Variants in TIAM1 observed in about 807,000 individuals in gnomAD.
TIAM1 encodes TIAM Rac1 associated GEF 1, also known as rho guanine nucleotide exchange factor TIAM1.
Under a neutral mutation model 163.5 loss-of-function variants are expected in TIAM1, and 65 were observed. That is an observed-to-expected ratio of 0.40 (90% CI 0.33 to 0.49). The LOEUF (loss-of-function observed/expected upper bound fraction) is 0.49, where lower values mean the gene tolerates loss of function less well. Among genes scored for constraint, TIAM1 ranks in the 20% least tolerant of loss-of-function variants. The pLI is 0.77. For synonymous variants in TIAM1, 833 were observed against 810.1 expected, an observed-to-expected ratio of 1.03 and a Z score of -0.48; for missense variants, 1,789 against 2,044.7, an observed-to-expected ratio of 0.87 and a Z score of 2.41.
chr21:31,223,481 G>A lies in TIAM1; in HGVS notation c.1920C>T (p.Leu640=), dbSNP rs139346945. 5.8e-4 allele frequency: 944 copies of A among 1,613,970 alleles called. 4 individuals are homozygous for A. In the African/African-American group the frequency reaches 0.011, roughly 19 times the overall value. The stretch of plus-strand genomic sequence containing the variant: ...CTTTCGTTGGTCGACTTGCAAAAGC[G>A]AGAAGCCTTTTGGGGTTTGGCAGCT... ...GGELPNPKRL[L]AFASRPTKVA... Residue 640 remains leucine, a synonymous_variant, in exon 8 of 28, where the codon CTC becomes CTT. Coordinates refer to ENST00000541036, the MANE Select transcript of TIAM1 (RefSeq NM_001353694.2).
chr21:31,399,435 T>C (rs1360423427), intron 2 of TIAM1, among the ~76,000 whole-genome samples: 1 of 152,202 alleles, frequency 6.6e-6, no homozygotes, highest in East Asian at 1.9e-4. Flanking sequence ...AATACATTAT[T>C]GCTTTAAATC....
chr21:31,175,374 G>A (rs2084711361), intron 15 of TIAM1, among the ~76,000 whole-genome samples: 1 of 152,204 alleles, frequency 6.6e-6, no homozygotes, highest in Non-Finnish European at 1.5e-5. Context: ...CAAAAATAAA[G>A]TGAACGTGAA....
At chr21:31,333,519 C>T (rs2075745924) in intron 2 of TIAM1, among the ~76,000 whole-genome samples, 1 of 152,138 alleles carries the variant, frequency 6.6e-6, no homozygotes, top group South Asian at 2.1e-4. Context: ...CTCACTGCAG[C>T]CTCAACCTTC....
At chr21:31,281,481 T>C (rs2073565365) in intron 2 of TIAM1, among the ~76,000 whole-genome samples, 1 of 152,234 alleles carries the variant, frequency 6.6e-6, no homozygotes, top group Admixed American at 6.5e-5. Flanking sequence ...TAACCAGTAG[T>C]TTAATGACAA....
rs373172155 is a variant in TIAM1, at chr21:31,414,104, T to C, written c.-369+49879A>G. Among the ~76,000 whole-genome samples the C allele has an allele frequency of 3.9e-4, 60 of 152,288 alleles. No homozygotes were observed. The East Asian group carries it at 0.011, about 27-fold the overall frequency. On this transcript the variant is annotated intron_variant, in intron 2 of 28. Coordinates refer to the TIAM1 transcript ENST00000286827. ...CCTCAGGCTCTCAGGAGCCCATGGA[T>C]TTTGCCACTCTGAAAGCACAAGAGA...
chr21:31,162,102 G>A (rs2146354746), intron 16 of TIAM1, among the ~76,000 whole-genome samples: 1 of 152,208 alleles, frequency 6.6e-6, no homozygotes, highest in South Asian at 2.1e-4. Flanking sequence ...TTTTAACATA[G>A]CCACTAACAA....
At chr21:31,447,670 A>AG (rs756363971) in intron 2 of TIAM1, among the ~76,000 whole-genome samples, 7 of 152,214 alleles carry the variant, frequency 4.6e-5, no homozygotes, top group Non-Finnish European at 7.3e-5. Flanking sequence ...AAGCATCTGC[A>AG]GGAATGTTGG....
chr21:31,281,978 T>C (rs1005831124), intron 2 of TIAM1, among the ~76,000 whole-genome samples: 2 of 152,308 alleles, frequency 1.3e-5, no homozygotes, highest in Non-Finnish European at 1.5e-5. Flanking sequence ...TTTTAAACTG[T>C]TACTTAAGAA....
chr21:31,265,023 A>G (rs141610632), intron 4 of TIAM1, among the ~76,000 whole-genome samples: 1 of 152,158 alleles, frequency 6.6e-6, no homozygotes, highest in African/African-American at 2.4e-5. Context: ...TCTTTCTTTT[A>G]TTGACACAGA....
chr21:31,141,595 G>A lies in TIAM1; in HGVS notation c.3476-91C>T. 6.7e-7 allele frequency: 1 copy of A among 1,489,776 alleles called. No individual in the cohort carries two copies. The highest frequency in any genetic ancestry group is 9.2e-7 in the Non-Finnish European group (1 of 1,091,688). The allele number at this position is 1,489,776 out of a possible 1,614,324, so 92.3% of individuals were successfully genotyped here. A position where few individuals can be genotyped will look rare whatever the true frequency, so the allele number is the denominator to read the frequency against. The stretch of plus-strand genomic sequence containing the variant: ...CTCCCTTCCTCAGTGACTCCAAGGT[G>A]CCTTTTTGCAGGACTGAGCAGAGAG... On this transcript the variant is annotated intron_variant, in intron 20 of 27. Coordinates refer to ENST00000541036, the MANE Select transcript of TIAM1 (RefSeq NM_001353694.2). This position sits in a 1 kb window ranked among gnomAD's most constrained non-coding sequence, Gnocchi z 4.7.
At chr21:31,400,085 G>A (rs1008176648) in intron 2 of TIAM1, among the ~76,000 whole-genome samples, 2 of 151,308 alleles carry the variant, frequency 1.3e-5, no homozygotes, top group African/African-American at 2.4e-5. Context: ...TAAAGAATTG[G>A]AAGGAAATAT....
At chr21:31,122,487 AATAAG>A (rs1163531419) in intron 27 of TIAM1, among the ~76,000 whole-genome samples, 3 of 152,214 alleles carry the variant, frequency 2.0e-5, no homozygotes, top group African/African-American at 7.2e-5. Flanking sequence ...ATATGTCAAA[AATAAG>A]ATGAGGTGAT....
At chr21:31,192,671 G>A (rs999168388) in intron 13 of TIAM1, among the ~76,000 whole-genome samples, 12 of 152,054 alleles carry the variant, frequency 7.9e-5, no homozygotes, top group African/African-American at 2.9e-4. Flanking sequence ...GAGCATATGA[G>A]GTAGTCTTTA....
chr21:31,179,517 T>G (rs2084916418), intron 15 of TIAM1, among the ~76,000 whole-genome samples: 1 of 148,452 alleles, frequency 6.7e-6, no homozygotes, highest in South Asian at 2.2e-4. Context: ...ACTTAAAAAA[T>G]ATCAGCTCCG....
rs28715663 is a variant in TIAM1, at chr21:31,360,834, C to T, written c.-368-21412G>A. ...TTGGCCATGCTGGTTTTTCAATTTA[C>T]AAAATGTAAATTCAAACCAGGAAAT... On this transcript the variant is annotated intron_variant, in intron 2 of 28. Transcript: ENST00000286827. Among the ~76,000 whole-genome samples the T allele has an allele frequency of 2.9e-3, 441 of 152,188 alleles. 3 individuals are homozygous for T. The highest frequency in any genetic ancestry group is 0.01 in the African/African-American group (418 of 41,546).
chr21:31,287,131 G>A (rs904919941), intron 2 of TIAM1, among the ~76,000 whole-genome samples: 1 of 152,106 alleles, frequency 6.6e-6, no homozygotes, highest in Non-Finnish European at 1.5e-5. Flanking sequence ...TGGTGTATTG[G>A]GGTTTAGTGG....
chr21:31,171,173 C>T (rs140278141), intron 15 of TIAM1, among the ~76,000 whole-genome samples: 3,317 of 151,884 alleles, frequency 0.022, 58 homozygotes, highest in South Asian at 0.04. Context: ...AGATTACCCA[C>T]GTGAAGAAAC....
chr21:31,522,432 C>T (rs191899271), intron 1 of TIAM1, among the ~76,000 whole-genome samples: 2 of 151,658 alleles, frequency 1.3e-5, no homozygotes, highest in Admixed American at 6.6e-5. Flanking sequence ...ATCGCTTGAA[C>T]CCGGGAGGCA....
chr21:31,301,104 C>G (rs1404886646), intron 2 of TIAM1, among the ~76,000 whole-genome samples: 1 of 152,140 alleles, frequency 6.6e-6, no homozygotes, highest in Non-Finnish European at 1.5e-5. Context: ...TTTTTGTTAA[C>G]AACCATACAC....
Sources: gnomAD v4.1 joint callset for allele counts (sites outside exome capture counted in the v4.1 genomes callset) on GRCh38, gnomAD v4.1.1 for gene constraint, Gnocchi (gnomAD v3.1) non-coding constraint, MANE v1.5 for transcripts, NCBI Gene and HGNC (gene_info 2026-07-23, HGNC 2026-07-21) for gene names.